Variants in ANK2 observed in about 807,000 individuals in gnomAD.
ANK2 encodes the protein ankyrin-2.
ANK2 carries 83 observed loss-of-function variants against 360.5 expected under a neutral mutation model. The observed-to-expected ratio is 0.23, with a 90% CI of 0.19 to 0.28. The LOEUF is 0.28. ANK2 is among the 10% of genes least tolerant of loss of function. The probability of loss-of-function intolerance (pLI) is 1.00; values close to 1 mark genes in which losing one functional copy is unlikely to be tolerated. For missense variants in ANK2, 4,201 were observed against 4,795.7 expected (o/e 0.88, Z 3.66); for synonymous variants, 1,740 against 1,759.5 (o/e 0.99, Z 0.28).
intron 29 of ANK2, among the ~76,000 whole-genome samples, chr4:113,334,628 A>G: frequency 8.2e-6 from 1 of 121,356 alleles, no homozygotes; most frequent in Non-Finnish European, 1.6e-5. Flanking sequence ...TAATAGATTA[A>G]TTAATCTATT....
At chr4:113,026,683 G>A (rs745686172) in intron 2 of ANK2, among the ~76,000 whole-genome samples, 19 of 152,178 alleles carry the variant, frequency 1.2e-4, no homozygotes, top group Non-Finnish European at 1.9e-4. Flanking sequence ...TTAGTAGCAT[G>A]CAAAGAAAAT....
chr4:112,906,685 G>A (rs540761276), intron 2 of ANK2, among the ~76,000 whole-genome samples: 1 of 152,218 alleles, frequency 6.6e-6, no homozygotes, highest in East Asian at 1.9e-4. Flanking sequence ...AAATTGAAGG[G>A]GATGTCAAGA....
rs758014143 is a variant in ANK2, at chr4:113,336,617, G to A, written c.3632G>A (p.Gly1211Asp). Reference sequence around the variant, plus strand: ...AGTGAGCTGGTTAAGAAGATCCTAGGCAACAAAGCTACCTTCAGCCCTATA... The same window carrying A: ...AGTGAGCTGGTTAAGAAGATCCTAGACAACAAAGCTACCTTCAGCCCTATA... Reference protein sequence around the residue: ...MHSELVKKILGNKATFSPIVT... With the variant: ...MHSELVKKILDNKATFSPIVT... The change falls in exon 31 of 46, where the codon GGC becomes GAC. Residue 1211 changes from glycine (G) to aspartate (D), a missense_variant. Physicochemically the swap from Gly to Asp is moderately conservative, Grantham distance 94 (BLOSUM62 -1). Coordinates refer to ENST00000357077, the MANE Select transcript of ANK2 (RefSeq NM_001148.6). 12 of 1,613,920 alleles carry A rather than the reference G, an allele frequency of 7.4e-6. No individual in the cohort carries two copies. The Admixed American group carries it at 1.2e-4, about 16-fold the overall frequency.
chr4:113,056,024 C>T (rs2069608605), intron 1 of ANK2, among the ~76,000 whole-genome samples: 1 of 152,152 alleles, frequency 6.6e-6, no homozygotes, highest in African/African-American at 2.4e-5. Context: ...AAGCAGCATT[C>T]CCAAAAGAAG....
chr4:113,081,762 T>A (rs1467959438), intron 1 of ANK2, among the ~76,000 whole-genome samples: 1 of 152,128 alleles, frequency 6.6e-6, no homozygotes, highest in Non-Finnish European at 1.5e-5. Flanking sequence ...ACCACATATT[T>A]TAAGTACTCA....
intron 4 of ANK2, among the ~76,000 whole-genome samples, chr4:113,222,709 T>C (rs1198059181): frequency 6.6e-6 from 1 of 152,174 alleles, no homozygotes; most frequent in Non-Finnish European, 1.5e-5. Flanking sequence ...TAAAACAGGA[T>C]GACACAGTAA....
intron 1 of ANK2, among the ~76,000 whole-genome samples, chr4:112,896,866 A>C (rs530340607): frequency 3.9e-5 from 6 of 152,340 alleles, no homozygotes; most frequent in Non-Finnish European, 7.3e-5. Context: ...CCTCATAGTG[A>C]AGCTGTTCTT....
chr4:112,755,060 G>C, the ANK2 span, among the ~76,000 whole-genome samples: 10 of 152,300 alleles, frequency 6.6e-5, no homozygotes, highest in Non-Finnish European at 1.0e-4. Context: ...AAGTCTGATA[G>C]TGGACCACTG....
Position 113,353,683 on chromosome 4 carries a change from A to G in ANK2, c.5065A>G (p.Ser1689Gly). ...AGACATACCCCCAGATGAGACACAG[A>G]GTACACAGAAACAGCACAAACCAAG... The part of the protein sequence containing the change: ...GKDIPPDETQ[S>G]TQKQHKPSLG... The change falls in exon 38 of 46, where the codon AGT becomes GGT. Residue 1689 changes from serine to glycine, a missense_variant. By Grantham distance (56) the Ser-to-Gly change is moderately conservative. This residue lies in a region of ANK2 where 2,642 missense variants were observed against 2,714.5 expected (regional missense o/e 0.97). Transcript: ENST00000357077. The G allele has an allele frequency of 1.9e-6, 3 of 1,614,076 alleles. No individual in the cohort carries two copies. Among genetic ancestry groups the G allele is most frequent in the Non-Finnish European group, 2.5e-6 (3 of 1,179,978 alleles).
Position 112,981,663 on chromosome 4 carries a change from G to A in ANK2, c.21+77149G>A, listed in dbSNP as rs182992196. Among the ~76,000 whole-genome samples the A allele has an allele frequency of 3.1e-4, 47 of 152,336 alleles. No homozygotes were observed. In the East Asian group the frequency reaches 8.1e-3, roughly 26 times the overall value. ...TGTAGTGAATTCTGTTCTGGTAGTGGAGTATTGCAGTTAGTCCTTTTGCTG... is the reference window on the plus strand; with the variant it reads ...TGTAGTGAATTCTGTTCTGGTAGTGAAGTATTGCAGTTAGTCCTTTTGCTG... On this transcript the variant is annotated intron_variant, in intron 2 of 30. Transcript: ENST00000503271.
rs755543636 is a variant in ANK2 at position 113,278,456 on chromosome 4, A to G, written c.1783-4A>G. The stretch of plus-strand genomic sequence containing the variant: ...ATGCTGAAACTTAAACACACCCTTT[A>G]CAGAACGGCCTTACCCCGCTCCATG... On this transcript the variant is annotated splice_polypyrimidine_tract_variant and splice_region_variant and intron_variant, in intron 16 of 45. Coordinates refer to ENST00000357077, the MANE Select transcript of ANK2 (RefSeq NM_001148.6). 7.4e-6 allele frequency: 12 copies of G among 1,613,692 alleles called. No individual in the cohort carries two copies. Among genetic ancestry groups the G allele is most frequent in the Non-Finnish European group, 8.5e-6 (10 of 1,179,794 alleles).
upstream of ANK2, among the ~76,000 whole-genome samples, chr4:113,048,218 A>G (rs2065205850): frequency 1.5e-5 from 2 of 130,828 alleles, no homozygotes; most frequent in African/African-American, 2.8e-5. Context: ...TGTACAAAGT[A>G]TATTAGGTTC....
chr4:113,073,826 G>A (rs1458631756), intron 1 of ANK2, among the ~76,000 whole-genome samples: 1 of 152,170 alleles, frequency 6.6e-6, no homozygotes, highest in Non-Finnish European at 1.5e-5. Flanking sequence ...CAGCATGCTG[G>A]AAGCTTGTGA....
At chr4:112,821,771 A>ATTTT (rs70958489) in intron 1 of ANK2, among the ~76,000 whole-genome samples, 9 of 135,486 alleles carry the variant, frequency 6.6e-5, no homozygotes, top group South Asian at 2.3e-4. Flanking sequence ...TGAGTCATAG[A>ATTTT]TTTTTTTTTT....
chr4:113,216,139 T>A (rs183630314), intron 4 of ANK2, among the ~76,000 whole-genome samples: 1 of 152,200 alleles, frequency 6.6e-6, no homozygotes, highest in Non-Finnish European at 1.5e-5. Flanking sequence ...GCATAACTAT[T>A]TCATCACTAA....
chr4:113,210,957 T>G (rs953964800), intron 4 of ANK2, among the ~76,000 whole-genome samples: 4 of 152,284 alleles, frequency 2.6e-5, no homozygotes, highest in Admixed American at 1.3e-4. Context: ...AATTCAAATC[T>G]AAATTTGCAT....
rs116766123 is a variant in ANK2, at chr4:113,086,642, A to G, written c.84+36830A>G. ...TGGCAAAAAGCAAGCAAGCAAGCAA[A>G]CAAACAAACAAAAAAACCACGAAGA... On this transcript the variant is annotated intron_variant, in intron 1 of 45. Coordinates refer to ENST00000357077, the MANE Select transcript of ANK2 (RefSeq NM_001148.6). 1.9e-3 allele frequency among the ~76,000 whole-genome samples: 294 copies of G among 152,332 alleles called. 2 individuals are homozygous for G. Among genetic ancestry groups the G allele is most frequent in the African/African-American group, 6.7e-3 (277 of 41,574 alleles).
Position 113,044,395 on chromosome 4 carries a change from T to C in ANK2, c.22-130021T>C, listed in dbSNP as rs556861117. 2.6e-5 allele frequency among the ~76,000 whole-genome samples: 4 copies of C among 152,312 alleles called. No individual in the cohort carries two copies. The East Asian group carries it at 5.8e-4, about 22-fold the overall frequency. On this transcript the variant is annotated intron_variant, in intron 2 of 30. Transcript: ENST00000503271. ...AGGGTTTATTAACTAGGCTTCAACG[T>C]GGCGTACACTTCCACCTACATTCTA... is the stretch of plus-strand genomic sequence containing the variant.
chr4:112,724,745 A>C, the ANK2 span, among the ~76,000 whole-genome samples: 1 of 152,210 alleles, frequency 6.6e-6, no homozygotes, highest in Non-Finnish European at 1.5e-5. Context: ...AAACATTATG[A>C]ATGTTCTTTA....
Sources: gnomAD v4.1 joint callset for allele counts (sites outside exome capture counted in the v4.1 genomes callset) on GRCh38, gnomAD v4.1.1 for gene constraint, gnomAD v4.1.1 regional missense constraint, MANE v1.5 for transcripts, NCBI Gene and HGNC (gene_info 2026-07-23, HGNC 2026-07-21) for gene names.